The following EPHB1 variants were observed in gnomAD, a reference collection of about 807,000 sequenced individuals.
The protein encoded by EPHB1 is ephrin type-B receptor 1.
EPHB1 carries 30 observed loss-of-function variants against 94.4 expected under a neutral mutation model. The ratio of observed to expected loss-of-function variants is 0.32; its 90% CI spans 0.24 to 0.43. The LOEUF (loss-of-function observed/expected upper bound fraction) is 0.43, where lower values mean the gene tolerates loss of function less well. EPHB1 is among the 20% of genes least tolerant of loss of function. The pLI, the probability that EPHB1 is intolerant of heterozygous loss-of-function variation, is 1.00. For missense variants in EPHB1, 1,055 were observed against 1,308.3 expected (o/e 0.81, Z 2.99); for synonymous variants, 522 against 489.1 (o/e 1.07, Z -0.89).
intron 4 of EPHB1, among the ~76,000 whole-genome samples, chr3:135,127,967 C>T (rs1940271383): frequency 6.6e-6 from 1 of 152,204 alleles, no homozygotes; most frequent in Admixed American, 6.5e-5. Flanking sequence ...CACAGCTCAA[C>T]ACTTCTCCCA....
chr3:135,117,223 T>C (rs1170737734), intron 4 of EPHB1, among the ~76,000 whole-genome samples: 1 of 152,232 alleles, frequency 6.6e-6, no homozygotes, highest in East Asian at 1.9e-4. Context: ...ATGAGTCTTA[T>C]AGTCAGTATG....
intron 12 of EPHB1, among the ~76,000 whole-genome samples, chr3:135,221,885 A>G (rs922044363): frequency 2.0e-5 from 3 of 152,260 alleles, no homozygotes; most frequent in African/African-American, 7.2e-5. Flanking sequence ...AAATGGTTCT[A>G]GATCTTAGTA....
chr3:135,076,585 T>C (rs530203693), intron 3 of EPHB1, among the ~76,000 whole-genome samples: 11 of 152,284 alleles, frequency 7.2e-5, no homozygotes, highest in Non-Finnish European at 1.6e-4. Flanking sequence ...GCAATTCCAC[T>C]CCTCAGATTT....
intron 3 of EPHB1, among the ~76,000 whole-genome samples, chr3:135,086,226 A>C (rs1938356002): frequency 6.6e-6 from 1 of 151,944 alleles, no homozygotes; most frequent in African/African-American, 2.4e-5. Flanking sequence ...TTAAGAATCC[A>C]GAATCAGCCA....
intron 3 of EPHB1, among the ~76,000 whole-genome samples, chr3:134,972,501 T>A (rs1288066288): frequency 2.0e-5 from 1 of 49,656 alleles, no homozygotes; most frequent in Non-Finnish European, 3.5e-5. Context: ...ATATATTTAT[T>A]ATAAATATAT....
At chr3:134,932,843 AT>A (rs1360257440) in intron 2 of EPHB1, among the ~76,000 whole-genome samples, 1 of 152,186 alleles carries the variant, frequency 6.6e-6, no homozygotes, top group Non-Finnish European at 1.5e-5. Flanking sequence ...TGTGAATGGA[AT>A]TTCACCACAT....
intron 2 of EPHB1, among the ~76,000 whole-genome samples, chr3:134,941,744 TGCACACAGACACAC>T (rs1467110080): frequency 8.6e-6 from 1 of 116,298 alleles, no homozygotes; most frequent in Non-Finnish European, 1.7e-5. Flanking sequence ...GCTTTACATA[TGCACACAGACACAC>T]ACACACACAC....
chr3:134,982,061 A>G (rs1934420986), intron 3 of EPHB1, among the ~76,000 whole-genome samples: 1 of 152,242 alleles, frequency 6.6e-6, no homozygotes, highest in Non-Finnish European at 1.5e-5. Flanking sequence ...TGCTCGTTCA[A>G]TATCATACAG....
chr3:134,829,815 C>T (rs962872490), intron 1 of EPHB1, among the ~76,000 whole-genome samples: 3 of 152,052 alleles, frequency 2.0e-5, no homozygotes, highest in East Asian at 1.9e-4. Context: ...GAAATTTGGA[C>T]GCAGACATGC....
chr3:135,001,385 G>C (rs1935170049), intron 3 of EPHB1, among the ~76,000 whole-genome samples: 1 of 152,136 alleles, frequency 6.6e-6, no homozygotes, highest in South Asian at 2.1e-4. Context: ...ATAAATGTCG[G>C]CTGGTCCCCT....
chr3:134,959,212 A>G (rs77241824), intron 3 of EPHB1, among the ~76,000 whole-genome samples: 6,026 of 152,162 alleles, frequency 0.04, 185 homozygotes, highest in African/African-American at 0.083. Flanking sequence ...TTCTTCACCA[A>G]CGTCTTCCCA....
chr3:134,939,137 G>A (rs1301915221), intron 2 of EPHB1, among the ~76,000 whole-genome samples: 1 of 152,046 alleles, frequency 6.6e-6, no homozygotes, highest in Non-Finnish European at 1.5e-5. Context: ...ATATTGCATT[G>A]GGAAACAATA....
chr3:135,117,353 G>A (rs1391584919), intron 4 of EPHB1, among the ~76,000 whole-genome samples: 1 of 152,240 alleles, frequency 6.6e-6, no homozygotes, highest in African/African-American at 2.4e-5. Context: ...CAATTGGCTG[G>A]AAAATTCCAA....
chr3:135,170,389 T>G (rs1174813343), intron 9 of EPHB1, among the ~76,000 whole-genome samples: 1 of 151,224 alleles, frequency 6.6e-6, no homozygotes, highest in Non-Finnish European at 1.5e-5. Flanking sequence ...AATAGGAATA[T>G]AGAGAATTTG....
intron 9 of EPHB1, among the ~76,000 whole-genome samples, chr3:135,179,490 C>T (rs940222798): frequency 3.9e-5 from 6 of 152,194 alleles, no homozygotes; most frequent in African/African-American, 1.4e-4. Context: ...ATCTACCCTA[C>T]CATTTTACCA....
At chr3:135,051,255 C>T (rs59427173) in intron 3 of EPHB1, among the ~76,000 whole-genome samples, 27,927 of 152,030 alleles carry the variant, frequency 0.18, 4,233 homozygotes, top group African/African-American at 0.42. Flanking sequence ...CCTTTGAGAA[C>T]TGCTATAAGG....
chr3:135,071,053 A>G (rs1393093206), intron 3 of EPHB1, among the ~76,000 whole-genome samples: 3 of 152,204 alleles, frequency 2.0e-5, no homozygotes, highest in Admixed American at 6.5e-5. Flanking sequence ...TTATGGAATG[A>G]GCAAACTATC....
intron 3 of EPHB1, among the ~76,000 whole-genome samples, chr3:135,062,270 A>G (rs1049610132): frequency 6.6e-6 from 1 of 152,118 alleles, no homozygotes; most frequent in Non-Finnish European, 1.5e-5. Context: ...TCTCCACACT[A>G]TTTTTCATAG....
rs1482299075 is a variant in EPHB1 at position 134,795,541 on chromosome 3, C to G, written c.-91C>G. ...AGCGCGAAAGGATACCGAGAAGCCA[C>G]CCGCGGAGAGCGCAGCGGCGCCCTG... On this transcript the variant is annotated 5_prime_UTR_variant, in exon 1 of 16. Transcript: ENST00000398015. The G allele has an allele frequency of 3.9e-6, 5 of 1,282,766 alleles. No homozygotes were observed. Among genetic ancestry groups the G allele is most frequent in the Non-Finnish European group, 4.3e-6 (4 of 920,832 alleles). The allele number at this position is 1,282,766 out of a possible 1,614,324, so 79.5% of individuals were successfully genotyped here. A position where few individuals can be genotyped will look rare whatever the true frequency, so the allele number is the denominator to read the frequency against.
Sources: gnomAD v4.1 joint callset for allele counts (sites outside exome capture counted in the v4.1 genomes callset) on GRCh38, gnomAD v4.1.1 for gene constraint, MANE v1.5 for transcripts, NCBI Gene and HGNC (gene_info 2026-07-23, HGNC 2026-07-21) for gene names.